Variants in DDAH1 observed in about 807,000 individuals in gnomAD.
DDAH1 encodes the protein N(G),N(G)-dimethylarginine dimethylaminohydrolase 1.
A neutral mutation model predicts 28.8 loss-of-function variants in DDAH1; 19 were observed. The observed-to-expected ratio is 0.66, with a 90% CI of 0.46 to 0.97. DDAH1 has a LOEUF of 0.97. DDAH1 is among the 50% of genes least tolerant of loss of function. The pLI, the probability that DDAH1 is intolerant of heterozygous loss-of-function variation, is 0.00. For missense variants in DDAH1, 326 were observed against 375.9 expected, an observed-to-expected ratio of 0.87 and a Z score of 1.10; for synonymous variants, 153 against 154.4, an observed-to-expected ratio of 0.99 and a Z score of 0.07.
At chr1:85,321,597 AAAG>A (rs780766405) in intron 5 of DDAH1, 29 bp from the exon 6 acceptor site, 3 of 1,508,726 alleles carry the variant, frequency 2.0e-6, no homozygotes, top group East Asian at 2.3e-5. Flanking sequence ...AAAAGGAAGA[AAAG>A]AAGGATTATG....
chr1:85,356,749 A>G (rs2100854052), intron 2 of DDAH1, among the ~76,000 whole-genome samples: 1 of 152,360 alleles, frequency 6.6e-6, no homozygotes, highest in East Asian at 1.9e-4. Context: ...GGTAGTATCA[A>G]AGGCAAGCCT....
chr1:85,487,803 T>C (rs552779205), intron 2 of DDAH1, among the ~76,000 whole-genome samples: 98 of 152,296 alleles, frequency 6.4e-4, no homozygotes, highest in African/African-American at 2.2e-3. Context: ...AGTACAAGTA[T>C]ATTTTCTCTT....
chr1:85,444,950 G>A (rs781552989), intron 1 of DDAH1, among the ~76,000 whole-genome samples: 14 of 152,170 alleles, frequency 9.2e-5, no homozygotes, highest in Non-Finnish European at 1.3e-4. Flanking sequence ...TGAGGAGCAA[G>A]GAGATCCTGT....
chr1:85,335,659 T>C (rs1648061631), intron 4 of DDAH1, among the ~76,000 whole-genome samples: 1 of 152,098 alleles, frequency 6.6e-6, no homozygotes, highest in Admixed American at 6.6e-5. Flanking sequence ...AGCACCCAGA[T>C]ATAAAAAGCA....
intron 1 of DDAH1, among the ~76,000 whole-genome samples, chr1:85,508,744 G>C (rs568874256): frequency 4.6e-5 from 7 of 152,260 alleles, no homozygotes; most frequent in Non-Finnish European, 1.0e-4. Flanking sequence ...AGATCAATCT[G>C]TGAGGCGGCA....
At chr1:85,529,958 T>C (rs1300806934) in intron 1 of DDAH1, among the ~76,000 whole-genome samples, 1 of 141,862 alleles carries the variant, frequency 7.0e-6, no homozygotes, top group Non-Finnish European at 1.5e-5. Context: ...CCCACCAGTG[T>C]CTGATGACAG....
chr1:85,330,072 A>G (rs576724625), intron 4 of DDAH1, among the ~76,000 whole-genome samples: 1 of 152,310 alleles, frequency 6.6e-6, no homozygotes, highest in African/African-American at 2.4e-5. Context: ...TAAGCTTACC[A>G]TTTATTTGTA....
intron 2 of DDAH1, among the ~76,000 whole-genome samples, chr1:85,355,426 AAAT>A (rs1420672069): frequency 1.3e-5 from 2 of 152,210 alleles, no homozygotes; most frequent in Non-Finnish European, 2.9e-5. Flanking sequence ...TAGGCCACAA[AAAT>A]AATAGTCATA....
chr1:85,528,431 T>C (rs1436311703), intron 1 of DDAH1, among the ~76,000 whole-genome samples: 1 of 151,940 alleles, frequency 6.6e-6, no homozygotes, highest in Non-Finnish European at 1.5e-5. Context: ...TAAAATATTA[T>C]AGGGCAATAA....
chr1:85,514,408 A>T (rs111999389), intron 1 of DDAH1, among the ~76,000 whole-genome samples: 28 of 152,200 alleles, frequency 1.8e-4, no homozygotes, highest in African/African-American at 6.5e-4. Context: ...GGGGGATAGC[A>T]TTAGGAGAAA....
chr1:85,386,618 T>C (rs1404629298), intron 1 of DDAH1, among the ~76,000 whole-genome samples: 2 of 152,216 alleles, frequency 1.3e-5, no homozygotes, highest in East Asian at 1.9e-4. Context: ...TGAGGGTACA[T>C]GCTGCTGGTG....
At chr1:85,565,921 A>C (rs1659283909) in intron 1 of DDAH1, among the ~76,000 whole-genome samples, 1 of 152,146 alleles carries the variant, frequency 6.6e-6, no homozygotes, top group Non-Finnish European at 1.5e-5. Context: ...TGACTACTAA[A>C]AATACAAAAA....
In DDAH1 at chr1:85,347,185, A is replaced by G. The variant is rs541171855; in HGVS notation, c.597+3230T>C. On this transcript the variant is annotated intron_variant, in intron 4 of 5. Coordinates refer to ENST00000284031, the MANE Select transcript of DDAH1 (RefSeq NM_012137.4). ...TGTTGGTGGGACTGTCAACTAGTTC[A>G]ACCATTGTGGAAGACAGTGTGGCGA... Among the ~76,000 whole-genome samples the G allele has an allele frequency of 2.9e-3, 441 of 152,366 alleles. 2 individuals carry two copies. Among genetic ancestry groups the G allele is most frequent in the Non-Finnish European group, 4.5e-3 (303 of 68,034 alleles).
chr1:85,340,368 A>G (rs1648401808), intron 4 of DDAH1, among the ~76,000 whole-genome samples: 2 of 152,084 alleles, frequency 1.3e-5, no homozygotes, highest in Admixed American at 6.5e-5. Flanking sequence ...TGACAGGGAG[A>G]GTTTAAACTC....
At position 85,482,957 on chromosome 1, in the gene DDAH1, G is replaced by A. The variant is rs185934949; in HGVS notation, c.-7+13209C>T. On this transcript the variant is annotated intron_variant, in intron 2 of 6. Transcript: ENST00000426972. ...AATGAATTTTTGGCCGGGCATGGTGGCTCACGCCTGTAATCCCAACACTTT... is the reference window on the plus strand; with the variant it reads ...AATGAATTTTTGGCCGGGCATGGTGACTCACGCCTGTAATCCCAACACTTT... Among the ~76,000 whole-genome samples, 523 of 152,252 alleles carry A rather than the reference G, an allele frequency of 3.4e-3. 2 individuals are homozygous for A. Among genetic ancestry groups the A allele is most frequent in the Non-Finnish European group, 4.5e-3 (303 of 68,018 alleles).
intron 1 of DDAH1, among the ~76,000 whole-genome samples, chr1:85,497,105 A>T (rs901621889): frequency 1.3e-5 from 2 of 152,248 alleles, no homozygotes; most frequent in Admixed American, 1.3e-4. Context: ...CAGCACAATG[A>T]CTGACAATTG....
chr1:85,487,366 G>A (rs1168390875), intron 2 of DDAH1, among the ~76,000 whole-genome samples: 1 of 152,208 alleles, frequency 6.6e-6, no homozygotes, highest in Non-Finnish European at 1.5e-5. Context: ...TGCCTACACT[G>A]TCATGGGAGT....
chr1:85,402,181 T>G (rs980204878), intron 1 of DDAH1, among the ~76,000 whole-genome samples: 2 of 119,362 alleles, frequency 1.7e-5, no homozygotes, highest in African/African-American at 6.2e-5. Context: ...TTTTTTTTTT[T>G]GGTACAGACA....
chr1:85,367,739 C>T (rs922128834), intron 1 of DDAH1, among the ~76,000 whole-genome samples: 1 of 152,108 alleles, frequency 6.6e-6, no homozygotes, highest in Admixed American at 6.6e-5. Context: ...AATTCCTCTT[C>T]TTCCCTTGGA....
Sources: gnomAD v4.1 joint callset for allele counts (sites outside exome capture counted in the v4.1 genomes callset) on GRCh38, gnomAD v4.1.1 for gene constraint, MANE v1.5 for transcripts, NCBI Gene and HGNC (gene_info 2026-07-23, HGNC 2026-07-21) for gene names.